The following SERPINI1 variants were observed in gnomAD, a reference collection of about 807,000 sequenced individuals.
SERPINI1 encodes the protein neuroserpin.
SERPINI1 carries 19 observed loss-of-function variants against 41.1 expected under a neutral mutation model. That is an observed-to-expected ratio of 0.46 (90% CI 0.32 to 0.68). The LOEUF is 0.68. SERPINI1 is among the 30% of genes least tolerant of loss of function. The probability of loss-of-function intolerance (pLI) is 0.03; values close to 1 mark genes in which losing one functional copy is unlikely to be tolerated. For synonymous variants in SERPINI1, 138 were observed against 156.6 expected, an observed-to-expected ratio of 0.88 and a Z score of 0.89; for missense variants, 460 against 479.2, an observed-to-expected ratio of 0.96 and a Z score of 0.37.
chr3:167,796,093 AT>A (rs1052258232), intron 5 of SERPINI1, among the ~76,000 whole-genome samples: 2 of 152,098 alleles, frequency 1.3e-5, no homozygotes, highest in African/African-American at 4.8e-5. Context: ...ACCCATTCAT[AT>A]TTATTCTAAT....
chr3:167,739,962 C>G (rs895342898), intron 1 of SERPINI1, among the ~76,000 whole-genome samples: 1 of 150,298 alleles, frequency 6.7e-6, no homozygotes, highest in African/African-American at 2.4e-5. Flanking sequence ...TTACTTTTAC[C>G]TTCATGTTGA....
Position 167,771,412 on chromosome 3 carries a change from T to C in SERPINI1, c.-18-17699T>C, listed in dbSNP as rs1287279078. On this transcript the variant is annotated intron_variant, in intron 1 of 8. Coordinates refer to ENST00000446050, the MANE Select transcript of SERPINI1 (RefSeq NM_001122752.2). Reference sequence around the variant, plus strand: ...AAATGAAAGTAAAAATGTAAACCAGTGTATACGAATGTATATTATGTTGTT... The same window carrying C: ...AAATGAAAGTAAAAATGTAAACCAGCGTATACGAATGTATATTATGTTGTT... 2.0e-5 allele frequency among the ~76,000 whole-genome samples: 3 copies of C among 152,170 alleles called. No homozygotes were observed. The East Asian group carries it at 5.8e-4, about 29-fold the overall frequency.
At chr3:167,742,818 TTGTGTGTGTGTGTGTGTG>T (rs10576293) in intron 1 of SERPINI1, among the ~76,000 whole-genome samples, 13 of 144,990 alleles carry the variant, frequency 9.0e-5, no homozygotes, top group African/African-American at 2.3e-4. Context: ...TTGTGCCGTT[TTGTGTGTGTGTGTGTGTG>T]TGTGTGTGTG....
chr3:167,785,784 A>T (rs1186694572), intron 1 of SERPINI1, among the ~76,000 whole-genome samples: 2 of 152,212 alleles, frequency 1.3e-5, no homozygotes, highest in African/African-American at 4.8e-5. Context: ...TTTGTTTTAT[A>T]CAAATACAAT....
chr3:167,814,591 A>G (rs1490921684), intron 6 of SERPINI1, among the ~76,000 whole-genome samples: 1 of 152,248 alleles, frequency 6.6e-6, no homozygotes, highest in Non-Finnish European at 1.5e-5. Flanking sequence ...CCACAGAGGA[A>G]GTAGTGGCCT....
Position 167,823,008 on chromosome 3 carries a change from C to T in SERPINI1, c.1002C>T (p.Ser334=). 1.2e-6 allele frequency: 2 copies of T among 1,608,470 alleles called. No individual in the cohort carries two copies. Among genetic ancestry groups the T allele is most frequent in the South Asian group, 2.2e-5 (2 of 90,954 alleles). ...GLSDNKEIFL[S]KAIHKSFLEV... ...CAGATAATAAGGAGATTTTTCTTTC[C>T]AAAGCAATTCACAAGTCCTTCCTAG... is the stretch of plus-strand genomic sequence containing the variant. Residue 334 remains serine (S), a synonymous_variant, in exon 7 of 9, where the codon TCC becomes TCT. Transcript: ENST00000446050.
intron 1 of SERPINI1, among the ~76,000 whole-genome samples, chr3:167,741,094 G>A (rs928416014): frequency 6.6e-6 from 1 of 152,136 alleles, no homozygotes. Flanking sequence ...GGCATTGACA[G>A]TGCTCAGTGT....
intron 1 of SERPINI1, among the ~76,000 whole-genome samples, chr3:167,742,050 A>G (rs1725695723): frequency 6.6e-6 from 1 of 152,150 alleles, no homozygotes; most frequent in South Asian, 2.1e-4. Flanking sequence ...TTATCTAGAT[A>G]AGAAGAAAAA....
intron 3 of SERPINI1, among the ~76,000 whole-genome samples, 187 bp from the exon 4 acceptor site, chr3:167,792,403 A>AGTGTGTGTGTGTGT (rs113251395): frequency 7.8e-4 from 118 of 151,280 alleles, no homozygotes; most frequent in African/African-American, 2.7e-3. Context: ...ATATATATGT[A>AGTGTGTGTGTGTGT]GTGTGTGTGT....
chr3:167,774,697 C>T (rs1236738609), intron 1 of SERPINI1, among the ~76,000 whole-genome samples: 1 of 152,128 alleles, frequency 6.6e-6, no homozygotes, highest in Non-Finnish European at 1.5e-5. Flanking sequence ...TGTGAGGGAT[C>T]TAGGTTGTGC....
intron 3 of SERPINI1, among the ~76,000 whole-genome samples, chr3:167,792,302 G>A (rs999660336): frequency 1.1e-4 from 17 of 151,732 alleles, no homozygotes; most frequent in Admixed American, 4.6e-4. Flanking sequence ...CAGGTGATAC[G>A]GGTGTTTTGA....
At position 167,772,883 on chromosome 3, in the gene SERPINI1, TATATATATATACACACACACACACAC is replaced by T. The variant is rs1341156020; in HGVS notation, c.-18-16226_-18-16201del. Among the ~76,000 whole-genome samples the T allele has an allele frequency of 2.9e-3, 203 of 70,940 alleles. 7 individuals are homozygous for T. The highest frequency in any genetic ancestry group is 7.5e-3 in the African/African-American group (116 of 15,528). 46.5% of individuals were successfully genotyped at this position (70,940 alleles called of 152,430 possible). A position where few individuals can be genotyped will look rare whatever the true frequency, so the allele number is the denominator to read the frequency against. On this transcript the variant is annotated intron_variant, in intron 1 of 8. Transcript: ENST00000446050. ...CTCTCTCTATATATATATATATATA[TATATATATATACACACACACACACAC>T]ACACACACACACATGCATATATACA...
intron 1 of SERPINI1, among the ~76,000 whole-genome samples, chr3:167,766,710 T>TA (rs1726579459): frequency 6.6e-6 from 1 of 152,356 alleles, no homozygotes; most frequent in Admixed American, 6.5e-5. Context: ...CTATTGCTGA[T>TA]ATGGAGAAAG....
intron 1 of SERPINI1, among the ~76,000 whole-genome samples, chr3:167,786,832 G>C (rs1027131115): frequency 6.6e-6 from 1 of 152,068 alleles, no homozygotes; most frequent in African/African-American, 2.4e-5. Flanking sequence ...TCTGGCTCCA[G>C]TAGTGTACAG....
intron 1 of SERPINI1, among the ~76,000 whole-genome samples, chr3:167,784,741 T>C (rs902547176): frequency 6.6e-6 from 1 of 152,140 alleles, no homozygotes; most frequent in Non-Finnish European, 1.5e-5. Flanking sequence ...CATGATCTAA[T>C]TACCTCCACC....
intron 1 of SERPINI1, among the ~76,000 whole-genome samples, chr3:167,739,866 A>G (rs1378646577): frequency 6.6e-6 from 1 of 152,180 alleles, no homozygotes. Context: ...TTACTTCATT[A>G]TGATAAGACC....
intron 6 of SERPINI1, among the ~76,000 whole-genome samples, chr3:167,817,468 A>G (rs553635659): frequency 6.6e-6 from 1 of 152,300 alleles, no homozygotes; most frequent in South Asian, 2.1e-4. Flanking sequence ...AAAACCATCT[A>G]GGCTTGGAGT....
chr3:167,777,372 A>T (rs993151327), intron 1 of SERPINI1, among the ~76,000 whole-genome samples: 2 of 152,234 alleles, frequency 1.3e-5, no homozygotes, highest in Non-Finnish European at 2.9e-5. Flanking sequence ...TTTTAATTTT[A>T]AAAATTTCTT....
chr3:167,756,738 A>G (rs1726205816), intron 1 of SERPINI1, among the ~76,000 whole-genome samples: 1 of 152,240 alleles, frequency 6.6e-6, no homozygotes. Flanking sequence ...CAGTCATGCC[A>G]TAAAAGCAAT....
Sources: allele counts gnomAD v4.1 joint callset (sites outside exome capture counted in the v4.1 genomes callset), GRCh38; gene constraint gnomAD v4.1.1; transcripts MANE v1.5; gene names NCBI Gene and HGNC (gene_info 2026-07-23, HGNC 2026-07-21).